Variants in TTLL3 observed in about 807,000 individuals in gnomAD.
TTLL3 encodes tubulin monoglycylase TTLL3.
In TTLL3, 63 loss-of-function variants were observed where a neutral mutation model predicts 75.2. The ratio of observed to expected loss-of-function variants is 0.84; its 90% confidence interval spans 0.68 to 1.03. The LOEUF is 1.03. Among genes scored for constraint, TTLL3 ranks in the 50% least tolerant of loss-of-function variants. The pLI is 0.00. For synonymous variants in TTLL3, 393 were observed against 418.5 expected (o/e 0.94, Z 0.74); for missense variants, 997 against 1,069.9 (o/e 0.93, Z 0.95).
In TTLL3 at chr3:9,829,088, C is replaced by T. The variant is rs1477659144; in HGVS notation, c.1376C>T (p.Ala459Val). ...CAGGCCCACCTGCAGGAGATGGGTG[C>T]CCCAAATGCTTGGTCCACCATCATC... The part of the protein sequence containing the change: ...RFQAHLQEMG[A>V]PNAWSTIIVP... The change falls in exon 11 of 14, where the codon GCC (alanine) becomes GTC (valine). Residue 459 changes from alanine to valine, a missense_variant. By Grantham distance (64) the Ala-to-Val change is moderately conservative (BLOSUM62 0). Transcript: ENST00000685419. The T allele has an allele frequency of 1.9e-6, 3 of 1,614,240 alleles. No individual in the cohort carries two copies. The highest frequency in any genetic ancestry group is 1.1e-5 in the South Asian group (1 of 91,086).
At position 9,827,173 on chromosome 3, in the gene TTLL3, G is replaced by A. The variant is rs146774025; in HGVS notation, c.1180G>A (p.Val394Met). The change falls in exon 10 of 14, where the codon GTG becomes ATG. Residue 394 changes from valine (V) to methionine (M), a missense_variant. By Grantham distance (21) the Val-to-Met change is conservative. Transcript: ENST00000685419. ...GGTAACTGACTGGAACCCACTTACC[G>A]TGTGGTTCTACCGCGACAGCTATAT... The part of the protein sequence containing the change: ...FLVTDWNPLT[V>M]WFYRDSYIRF... 56 of 1,614,202 alleles carry A rather than the reference G, an allele frequency of 3.5e-5. No homozygotes were observed. The African/African-American group carries it at 5.3e-4, about 15-fold the overall frequency.
chr3:9,827,256 C>A lies in TTLL3; in HGVS notation c.1247+16C>A. On this transcript the variant is annotated intron_variant, in intron 10 of 13. Coordinates refer to ENST00000685419, the MANE Select transcript of TTLL3 (RefSeq NM_001387446.1). Reference sequence around the variant, plus strand: ...ACCTGGACAAGTGAGCCCCTCTGCTCGCCTCCCACGAGCTCCCTGCCTAGT... The same window carrying A: ...ACCTGGACAAGTGAGCCCCTCTGCTAGCCTCCCACGAGCTCCCTGCCTAGT... 1.2e-6 allele frequency: 2 copies of A among 1,610,990 alleles called. No homozygotes were observed. Among genetic ancestry groups the A allele is most frequent in the South Asian group, 2.2e-5 (2 of 90,916 alleles).
chr3:9,824,003 G>A (rs1161253020), intron 8 of TTLL3, among the ~76,000 whole-genome samples: 1 of 152,226 alleles, frequency 6.6e-6, no homozygotes, highest in East Asian at 1.9e-4. Flanking sequence ...TACTTGCTGA[G>A]CCAACCGTTC....
Position 9,834,862 on chromosome 3 carries a change from G to A in TTLL3, c.2007G>A (p.Pro669=), listed in dbSNP as rs753963107. The change falls in exon 13 of 14, where the codon CCG becomes CCA. Residue 669 remains proline (P), a synonymous_variant. Coordinates refer to ENST00000685419, the MANE Select transcript of TTLL3 (RefSeq NM_001387446.1). Reference sequence around the variant, plus strand: ...CTAAGGTCTTCATTTCCCTCCCACCGAACCTTGATTTCAAGGTGGCACCCA... The same window carrying A: ...CTAAGGTCTTCATTTCCCTCCCACCAAACCTTGATTTCAAGGTGGCACCCA... The part of the protein sequence containing the change: ...PTAKVFISLP[P]NLDFKVAPSI... 6.8e-6 allele frequency: 11 copies of A among 1,614,062 alleles called. No individual in the cohort carries two copies. The highest frequency in any genetic ancestry group is 2.2e-5 in the East Asian group (1 of 44,886).
At chr3:9,809,970 T>TCAGGGGCCCTGGGAGGGCGGGCGCGGGAG (rs1559733220), upstream of TTLL3, 1 of 1,297,680 alleles carries the variant, frequency 7.7e-7, no homozygotes. Flanking sequence ...GGGCGCGGGA[T>TCAGGGGCCCTGGGAGGGCGGGCGCGGGAG]CAGGGGCCCT....
chr3:9,825,889 A>G lies in TTLL3; in HGVS notation c.944A>G (p.Asp315Gly). The G allele has an allele frequency of 6.2e-7, 1 of 1,614,138 alleles. No homozygotes were observed. Among genetic ancestry groups the G allele is most frequent in the South Asian group, 1.1e-5 (1 of 91,084 alleles). ...CTGCAGGCCGTGGTACCCCAGATAG[A>G]CATGGAAGGGGATCGCAACATCTGG... ...QQLQAVVPQIDMEGDRNIWIV... is the reference protein window; with the variant it reads ...QQLQAVVPQIGMEGDRNIWIV... Residue 315 changes from aspartate to glycine, a missense_variant, in exon 9 of 14, where the codon GAC (aspartate) becomes GGC (glycine). Coordinates refer to ENST00000685419, the MANE Select transcript of TTLL3 (RefSeq NM_001387446.1).
At chr3:9,825,737 C>T in intron 8 of TTLL3, 63 bp from the exon 9 acceptor site, 1 of 1,613,574 alleles carries the variant, frequency 6.2e-7, no homozygotes, top group South Asian at 1.1e-5. Flanking sequence ...TATATCTCCC[C>T]CTGCCCTCTC....
Position 9,810,483 on chromosome 3 carries a change from G to A in TTLL3, c.-42+89G>A, listed in dbSNP as rs1575344777. 6.9e-7 allele frequency: 1 copy of A among 1,448,344 alleles called. No homozygotes were observed. Among genetic ancestry groups the A allele is most frequent in the Non-Finnish European group, 9.1e-7 (1 of 1,101,746 alleles). 89.7% of individuals were successfully genotyped at this position (1,448,344 alleles called of 1,614,324 possible). A position where few individuals can be genotyped will look rare whatever the true frequency, so the allele number is the denominator to read the frequency against. ...GTGGAGGGACTGGGGGTCGGGAGAA[G>A]AGCGGCTGAGGGTGGGCATCTGGAT... On this transcript the variant is annotated intron_variant, in intron 1 of 13. Coordinates refer to ENST00000685419, the MANE Select transcript of TTLL3 (RefSeq NM_001387446.1). The surrounding 1 kb of genome is among the most constrained non-coding windows in gnomAD (Gnocchi z 4.4).
intron 8 of TTLL3, chr3:9,825,394 G>A: frequency 4.3e-6 from 1 of 234,270 alleles, no homozygotes; most frequent in Non-Finnish European, 8.7e-6. Flanking sequence ...TACTTCCCTG[G>A]CAGGGCCTTG....
intron 11 of TTLL3, among the ~76,000 whole-genome samples, chr3:9,831,453 A>C (rs2081522381): frequency 6.6e-6 from 1 of 152,234 alleles, no homozygotes; most frequent in African/African-American, 2.4e-5. Context: ...CACAAGGCAC[A>C]TCCTGTGAGA....
chr3:9,834,721 G>A lies in TTLL3; in HGVS notation c.1866G>A (p.Leu622=). The A allele has an allele frequency of 6.2e-7, 1 of 1,614,174 alleles. No individual in the cohort carries two copies. Among genetic ancestry groups the A allele is most frequent in the Non-Finnish European group, 8.5e-7 (1 of 1,180,036 alleles). The change falls in exon 13 of 14, where the codon CTG becomes CTA. Residue 622 remains leucine, a synonymous_variant. Transcript: ENST00000685419. The part of the protein sequence containing the change: ...HFPSLHTKAQ[L]PSPHVLRHQG... Reference sequence around the variant, plus strand: ...CCAGCCTCCACACCAAGGCCCAGCTGCCTTCTCCCCATGTACTCCGACACC... The same window carrying A: ...CCAGCCTCCACACCAAGGCCCAGCTACCTTCTCCCCATGTACTCCGACACC...
Position 9,835,290 on chromosome 3 carries a change from G to A in TTLL3, c.2249G>A (p.Gly750Asp). ...CCCCTGAAACCCCTGCCCCTTGTTGGTACATTCCAGAGGCGCAGGGGCCTG... is the reference window on the plus strand; with the variant it reads ...CCCCTGAAACCCCTGCCCCTTGTTGATACATTCCAGAGGCGCAGGGGCCTG... Reference protein sequence around the residue: ...LSPLKPLPLVGTFQRRRGLGD... With the variant: ...LSPLKPLPLVDTFQRRRGLGD... Residue 750 changes from glycine to aspartate, a missense_variant, in exon 14 of 14, where the codon GGT becomes GAT. Transcript: ENST00000685419. 2 of 1,614,204 alleles carry A rather than the reference G, an allele frequency of 1.2e-6. No individual in the cohort carries two copies. The highest frequency in any genetic ancestry group is 1.7e-6 in the Non-Finnish European group (2 of 1,180,030).
At chr3:9,817,207 C>G (rs58647240) in intron 5 of TTLL3, among the ~76,000 whole-genome samples, 127,682 of 152,082 alleles carry the variant, frequency 0.84, 53,939 homozygotes, top group Non-Finnish European at 0.89. Context: ...GGCAGATCAC[C>G]AGGTCAGGAG....
upstream of TTLL3, chr3:9,810,008 T>C: frequency 2.4e-6 from 1 of 421,228 alleles, no homozygotes; most frequent in Non-Finnish European, 2.9e-6. This position sits in a 1 kb window ranked among gnomAD's most constrained non-coding sequence, Gnocchi z 4.4. Context: ...GAGGGGCGCA[T>C]GCAGGGCCCC....
Position 9,829,284 on chromosome 3 carries a change from A to G in TTLL3, c.1572A>G (p.Ala524=), listed in dbSNP as rs1267561252. Reference sequence around the variant, plus strand: ...GCCCCACGATGGCACCCTCCACAGCAGTCACTGCCCGGCTCTGTGCTGGCG... The same window carrying G: ...GCCCCACGATGGCACCCTCCACAGCGGTCACTGCCCGGCTCTGTGCTGGCG... ...NASPTMAPST[A]VTARLCAGVQ... Residue 524 remains alanine (A), a synonymous_variant, in exon 11 of 14, where the codon GCA becomes GCG. Transcript: ENST00000685419. 1 of 1,614,158 alleles carries G rather than the reference A, an allele frequency of 6.2e-7. No homozygotes were observed. The highest frequency in any genetic ancestry group is 1.7e-5 in the Admixed American group (1 of 60,026).
intron 7 of TTLL3, chr3:9,820,126 T>G: frequency 3.0e-6 from 3 of 1,000,816 alleles, no homozygotes; most frequent in Non-Finnish European, 3.6e-6. Context: ...ATTCTGGGAG[T>G]GGGTCTGGAT....
chr3:9,810,840 C>T lies in TTLL3; in HGVS notation c.48+131C>T. ...CAATAGCAAAAATCCTCAACCACCA[C>T]ACCCATCTTCAACTACCTCCCCGTT... is the stretch of plus-strand genomic sequence containing the variant. On this transcript the variant is annotated intron_variant, in intron 2 of 13. Coordinates refer to ENST00000685419, the MANE Select transcript of TTLL3 (RefSeq NM_001387446.1). The surrounding 1 kb of genome is among the most constrained non-coding windows in gnomAD (Gnocchi z 4.4). 1.2e-6 allele frequency: 1 copy of T among 849,956 alleles called. No homozygotes were observed. The highest frequency in any genetic ancestry group is 1.8e-6 in the Non-Finnish European group (1 of 561,034). The allele number at this position is 849,956 out of a possible 1,614,324, so 52.7% of individuals were successfully genotyped here. A position where few individuals can be genotyped will look rare whatever the true frequency, so the allele number is the denominator to read the frequency against.
chr3:9,813,428 A>G, intron 4 of TTLL3, 83 bp downstream of exon 4: 2 of 1,486,642 alleles, frequency 1.3e-6, no homozygotes, highest in Middle Eastern at 2.3e-4. Flanking sequence ...GACCTCAGAC[A>G]AGTCCTTTCT....
chr3:9,820,528 G>A lies in TTLL3; in HGVS notation c.659-18G>A. ...CTGCCTTGATATGGGATCGTGACAG[G>A]CCCCTCCCTATGTGCAGGAGACAAG... On this transcript the variant is annotated intron_variant, in intron 7 of 13. Coordinates refer to ENST00000685419, the MANE Select transcript of TTLL3 (RefSeq NM_001387446.1). 1 of 1,613,446 alleles carries A rather than the reference G, an allele frequency of 6.2e-7. No individual in the cohort carries two copies. Among genetic ancestry groups the A allele is most frequent in the Non-Finnish European group, 8.5e-7 (1 of 1,179,566 alleles).
Sources: allele counts gnomAD v4.1 joint callset (sites outside exome capture counted in the v4.1 genomes callset), GRCh38; gene constraint gnomAD v4.1.1; non-coding constraint Gnocchi (gnomAD v3.1); transcripts MANE v1.5; gene names NCBI Gene and HGNC (gene_info 2026-07-23, HGNC 2026-07-21).